Variants in TGFBI observed in about 807,000 individuals in gnomAD.
TGFBI encodes the protein transforming growth factor beta induced, also known as transforming growth factor-beta-induced protein ig-h3.
A neutral mutation model predicts 73.7 loss-of-function variants in TGFBI; 50 were observed. That is an observed-to-expected ratio of 0.68 (90% CI 0.54 to 0.86). The LOEUF (loss-of-function observed/expected upper bound fraction) is 0.86. Ranked by LOEUF, TGFBI falls within the 40% of genes least tolerant of loss-of-function variation. The pLI, the probability that TGFBI is intolerant of heterozygous loss-of-function variation, is 0.00. For missense variants in TGFBI, 839 were observed against 877.0 expected (o/e 0.96, Z 0.55); for synonymous variants, 362 against 360.5 (o/e 1.00, Z -0.05).
At chr5:136,038,660 G>T (rs1217667372) in intron 2 of TGFBI, among the ~76,000 whole-genome samples, 2 of 151,314 alleles carry the variant, frequency 1.3e-5, no homozygotes, top group African/African-American at 4.9e-5. Context: ...GGCAGAGGTT[G>T]TGGTGAGCTG....
Position 136,060,949 on chromosome 5 carries a change from TC to T in TGFBI, c.1906+17del, listed in dbSNP as rs762593619. 36 of 1,545,330 alleles carry T rather than the reference TC, an allele frequency of 2.3e-5. No homozygotes were observed. In the Admixed American group the frequency reaches 4.0e-4, roughly 17 times the overall value. ...CTGCAGCCTCCAGGTAAGTGTCGCATCCCCACTGACTCTGCAGCCAGTCCTT... is the reference window on the plus strand; with the variant it reads ...CTGCAGCCTCCAGGTAAGTGTCGCATCCCACTGACTCTGCAGCCAGTCCTT... On this transcript the variant is annotated intron_variant, in intron 14 of 16. Transcript: ENST00000442011.
chr5:136,046,383 C>T lies in TGFBI; in HGVS notation c.347C>T (p.Thr116Ile), dbSNP rs777372145. The T allele has an allele frequency of 6.2e-7, 1 of 1,613,980 alleles. No homozygotes were observed. The highest frequency in any genetic ancestry group is 8.5e-7 in the Non-Finnish European group (1 of 1,179,888). Residue 116 changes from threonine to isoleucine, a missense_variant, in exon 4 of 17, where the codon ACC (threonine) becomes ATC (isoleucine). Transcript: ENST00000442011. ...LYETLGVVGS[T>I]TTQLYTDRTE... ...GAGACCCTGGGAGTCGTTGGATCCA[C>T]CACCACTCAGCTGTACACGGACCGC...
Position 136,061,503 on chromosome 5 carries a change from A to G in TGFBI, c.1910A>G (p.Asn637Ser), listed in dbSNP as rs1373293364. Reference sequence around the variant, plus strand: ...CTGCCTTTTCTTTCCTCTTCAGCCAACAGACCTCAGGAAAGAGGGGATGAA... The same window carrying G: ...CTGCCTTTTCTTTCCTCTTCAGCCAGCAGACCTCAGGAAAGAGGGGATGAA... ...VITNVLQPPA[N>S]RPQERGDELA... is the part of the protein sequence containing the mutation. Residue 637 changes from asparagine (N) to serine (S), a missense_variant, in exon 15 of 17, where the codon AAC becomes AGC. By Grantham distance (46) the Asn-to-Ser change is conservative. Transcript: ENST00000442011. The G allele has an allele frequency of 6.2e-7, 1 of 1,604,300 alleles. No homozygotes were observed. The highest frequency in any genetic ancestry group is 1.3e-5 in the African/African-American group (1 of 74,798).
chr5:136,054,685 C>T (rs1278816528), intron 9 of TGFBI, 31 bp from the exon 10 acceptor site: 2 of 1,613,772 alleles, frequency 1.2e-6, no homozygotes, highest in Admixed American at 3.3e-5. Context: ...GAGCACATCT[C>T]TCTGGACCTA....
chr5:136,047,000 C>T lies in TGFBI; in HGVS notation c.609C>T (p.His203=). ...ACCAGAATTCCAACATCCAGATCCACCACTATCCTAATGGGGTAGGGGATC... is the reference window on the plus strand; with the variant it reads ...ACCAGAATTCCAACATCCAGATCCATCACTATCCTAATGGGGTAGGGGATC... ...SMYQNSNIQI[H]HYPNGIVTVN... is the part of the protein sequence containing the mutation. The change falls in exon 5 of 17, where the codon CAC becomes CAT. Residue 203 remains histidine (H), a synonymous_variant. Coordinates refer to ENST00000442011, the MANE Select transcript of TGFBI (RefSeq NM_000358.3). 2 of 1,612,674 alleles carry T rather than the reference C, an allele frequency of 1.2e-6. No homozygotes were observed. The highest frequency in any genetic ancestry group is 1.7e-6 in the Non-Finnish European group (2 of 1,179,834).
intron 13 of TGFBI, among the ~76,000 whole-genome samples, chr5:136,060,252 C>T (rs1275202994): frequency 6.6e-6 from 1 of 152,236 alleles, no homozygotes; most frequent in Non-Finnish European, 1.5e-5. Context: ...TCATACACTG[C>T]TGTGAGGACT....
rs1751779213 is a variant in TGFBI at position 136,063,126 on chromosome 5, G to A, written c.2012-60G>A. 3 of 1,508,966 alleles carry A rather than the reference G, an allele frequency of 2.0e-6. No homozygotes were observed. The Admixed American group carries it at 5.1e-5, about 26-fold the overall frequency. 93.5% of individuals were successfully genotyped at this position (1,508,966 alleles called of 1,614,324 possible). A position where few individuals can be genotyped will look rare whatever the true frequency, so the allele number is the denominator to read the frequency against. ...CCCTGGTCCTTGAGATTCTGACAGT[G>A]TCCTAGACAGACATGGGGAGATCTG... On this transcript the variant is annotated intron_variant, in intron 16 of 16. Coordinates refer to ENST00000442011, the MANE Select transcript of TGFBI (RefSeq NM_000358.3).
intron 1 of TGFBI, among the ~76,000 whole-genome samples, chr5:136,033,074 G>C (rs530029211): frequency 2.6e-5 from 4 of 152,272 alleles, no homozygotes; most frequent in Non-Finnish European, 5.9e-5. Flanking sequence ...GAACAAGGCA[G>C]AACACTTGTC....
chr5:136,042,046 A>G (rs1751347917), intron 2 of TGFBI, among the ~76,000 whole-genome samples: 1 of 152,224 alleles, frequency 6.6e-6, no homozygotes, highest in South Asian at 2.1e-4. Flanking sequence ...CAGCATCTCC[A>G]TGGATTTTCA....
intron 2 of TGFBI, among the ~76,000 whole-genome samples, chr5:136,040,338 C>T (rs1230233234): frequency 6.6e-6 from 1 of 152,138 alleles, no homozygotes; most frequent in South Asian, 2.1e-4. Context: ...TGTTAGGAAC[C>T]AGGCCACACA....
rs868023456 is a variant in TGFBI, at chr5:136,054,830, G to A, written c.1379G>A (p.Gly460Asp). The change falls in exon 10 of 17, where the codon GGC (glycine) becomes GAC (aspartate). Residue 460 changes from glycine to aspartate, a missense_variant. By Grantham distance (94) the Gly-to-Asp change is moderately conservative. Transcript: ENST00000442011. ...GGACAGACCCTGGAAACTCTGGGCG[G>A]CAAAAAACTGAGAGTTTTTGTTTAT... ...YHGQTLETLGGKKLRVFVYRN... is the reference protein window; with the variant it reads ...YHGQTLETLGDKKLRVFVYRN... 1.2e-6 allele frequency: 2 copies of A among 1,613,682 alleles called. No homozygotes were observed. Among genetic ancestry groups the A allele is most frequent in the South Asian group, 2.2e-5 (2 of 91,046 alleles).
Position 136,063,683 on chromosome 5 carries a change from T to C in TGFBI, c.*457T>C. ...ATGAGTTGAAATGTTCTGTCAAATG[T>C]GTCTCACATCTACACGTGGCTTGGA... On this transcript the variant is annotated 3_prime_UTR_variant, in exon 17 of 17. Coordinates refer to ENST00000442011, the MANE Select transcript of TGFBI (RefSeq NM_000358.3). The C allele has an allele frequency of 6.1e-6, 1 of 162,914 alleles. No individual in the cohort carries two copies. The highest frequency in any genetic ancestry group is 1.8e-4 in the South Asian group (1 of 5,494). The allele number at this position is 162,914 out of a possible 1,614,324, so 10.1% of individuals were successfully genotyped here.
intron 10 of TGFBI, 47 bp downstream of exon 10, chr5:136,054,908 G>A (rs556811522): frequency 1.9e-6 from 3 of 1,597,080 alleles, no homozygotes; most frequent in Non-Finnish European, 1.7e-6. Context: ...TCCTTACTGT[G>A]GGACTTGTAT....
chr5:136,048,957 C>T, intron 6 of TGFBI: 1 of 153,086 alleles, frequency 6.5e-6, no homozygotes, highest in Non-Finnish European at 1.5e-5. Flanking sequence ...GTGGTGTGAT[C>T]CTTCCATGCA....
chr5:136,045,150 T>C lies in TGFBI; in HGVS notation c.298+1028T>C, dbSNP rs374639649. Among the ~76,000 whole-genome samples the C allele has an allele frequency of 2.0e-5, 3 of 152,210 alleles. No individual in the cohort carries two copies. In the East Asian group the frequency reaches 5.8e-4, roughly 29 times the overall value. Reference sequence around the variant, plus strand: ...GGCCAGGCGCAGTGGCTCATGCCTTTGATTCCAGCACTTTGGGAGGCCAAG... The same window carrying C: ...GGCCAGGCGCAGTGGCTCATGCCTTCGATTCCAGCACTTTGGGAGGCCAAG... On this transcript the variant is annotated intron_variant, in intron 3 of 16. Coordinates refer to ENST00000442011, the MANE Select transcript of TGFBI (RefSeq NM_000358.3).
chr5:136,060,187 T>C (rs572177638), intron 13 of TGFBI, among the ~76,000 whole-genome samples: 8 of 152,348 alleles, frequency 5.3e-5, no homozygotes, highest in African/African-American at 1.9e-4. Flanking sequence ...CTGTCTTCAG[T>C]CTCAGTCTCA....
At chr5:136,041,143 G>A (rs947963658) in intron 2 of TGFBI, among the ~76,000 whole-genome samples, 1 of 152,252 alleles carries the variant, frequency 6.6e-6, no homozygotes, top group African/African-American at 2.4e-5. Flanking sequence ...CCCACAGGCT[G>A]CTGCACTGGG....
At chr5:136,059,614 G>C (rs961941851) in intron 13 of TGFBI, among the ~76,000 whole-genome samples, 4 of 152,180 alleles carry the variant, frequency 2.6e-5, no homozygotes, top group Non-Finnish European at 5.9e-5. Context: ...GAGGCTTTTT[G>C]AGTTCTGACA....
At chr5:136,043,498 A>C (rs1006994845) in intron 2 of TGFBI, among the ~76,000 whole-genome samples, 2 of 152,190 alleles carry the variant, frequency 1.3e-5, no homozygotes, top group Admixed American at 1.3e-4. Flanking sequence ...ATGATTGTAG[A>C]TATATTCCCC....
Sources: gnomAD v4.1 joint callset for allele counts (sites outside exome capture counted in the v4.1 genomes callset) on GRCh38, gnomAD v4.1.1 for gene constraint, MANE v1.5 for transcripts, NCBI Gene and HGNC (gene_info 2026-07-23, HGNC 2026-07-21) for gene names.